Variants in RAD51B observed in about 807,000 individuals in gnomAD.
The protein encoded by RAD51B is RAD51 paralog B.
Under a neutral mutation model 42.2 loss-of-function variants are expected in RAD51B, and 38 were observed. The observed-to-expected ratio is 0.90, with a 90% confidence interval of 0.70 to 1.18. RAD51B has a LOEUF of 1.18. Ranked by LOEUF, RAD51B falls within the 50% of genes most tolerant of loss-of-function variation. RAD51B has a pLI of 0.00. For missense variants in RAD51B, 373 were observed against 400.7 expected (o/e 0.93, Z 0.59); for synonymous variants, 154 against 145.2 (o/e 1.06, Z -0.43).
chr14:68,596,240 G>A (rs1246096637), downstream of RAD51B, among the ~76,000 whole-genome samples: 1 of 152,030 alleles, frequency 6.6e-6, no homozygotes, highest in South Asian at 2.1e-4. Context: ...TCTACCTGGC[G>A]CTGGGAATTA....
At chr14:68,102,198 G>A (rs894371469) in intron 7 of RAD51B, among the ~76,000 whole-genome samples, 2 of 152,208 alleles carry the variant, frequency 1.3e-5, no homozygotes, top group Non-Finnish European at 2.9e-5. Context: ...CTCTGGGCCT[G>A]TGATGGGTGG....
At chr14:68,593,629 G>T (rs1159141099) in intron 10 of RAD51B, among the ~76,000 whole-genome samples, 1 of 152,222 alleles carries the variant, frequency 6.6e-6, no homozygotes, top group Non-Finnish European at 1.5e-5. Flanking sequence ...CAAGATGCAG[G>T]TGCCTGGCAC....
chr14:68,196,704 A>G (rs141663011), intron 7 of RAD51B, among the ~76,000 whole-genome samples: 181 of 152,310 alleles, frequency 1.2e-3, no homozygotes, highest in Admixed American at 3.3e-3. Flanking sequence ...GGCCCACACT[A>G]GATTACAGGT....
intron 7 of RAD51B, among the ~76,000 whole-genome samples, chr14:68,290,145 AGGC>A (rs1485898047): frequency 6.6e-6 from 1 of 152,218 alleles, no homozygotes; most frequent in Non-Finnish European, 1.5e-5. Context: ...TAAAAAATGG[AGGC>A]AACTTCCATT....
At chr14:68,416,757 G>A (rs1209468497) in intron 9 of RAD51B, among the ~76,000 whole-genome samples, 3 of 152,208 alleles carry the variant, frequency 2.0e-5, no homozygotes, top group Non-Finnish European at 4.4e-5. Flanking sequence ...ATGGGAGGAT[G>A]GGAGTCAGGC....
At chr14:68,352,998 A>G (rs1174181955) in intron 8 of RAD51B, among the ~76,000 whole-genome samples, 2 of 152,142 alleles carry the variant, frequency 1.3e-5, no homozygotes, top group Non-Finnish European at 2.9e-5. Flanking sequence ...ACTTTTCCTC[A>G]ATGTTTCAGT....
In RAD51B at chr14:68,146,989, G is replaced by T. The variant is rs75968480; in HGVS notation, c.757-144895G>T. On this transcript the variant is annotated intron_variant, in intron 7 of 10. Coordinates refer to ENST00000471583, the MANE Select transcript of RAD51B (RefSeq NM_133510.4). ...AAGGTCCTATTTTGCTGTATTTTGGGTTCATCCAGATGGGATCAGACCAGA... is the reference window on the plus strand; with the variant it reads ...AAGGTCCTATTTTGCTGTATTTTGGTTTCATCCAGATGGGATCAGACCAGA... Among the ~76,000 whole-genome samples the T allele has an allele frequency of 8.4e-3, 1,275 of 152,190 alleles. 38 individuals are homozygous for T. Among genetic ancestry groups the T allele is most frequent in the East Asian group, 0.077 (400 of 5,162 alleles).
chr14:68,610,484 C>T (rs1891633784), intron 10 of RAD51B, among the ~76,000 whole-genome samples: 1 of 152,224 alleles, frequency 6.6e-6, no homozygotes, highest in Non-Finnish European at 1.5e-5. Flanking sequence ...GCATGTGGCT[C>T]CCCTGCCAGG....
At chr14:68,047,661 T>C (rs1396916298) in intron 7 of RAD51B, among the ~76,000 whole-genome samples, 1 of 152,214 alleles carries the variant, frequency 6.6e-6, no homozygotes, top group Non-Finnish European at 1.5e-5. Flanking sequence ...TGCCAGGCAC[T>C]GTGTTAAACA....
Position 67,882,773 on chromosome 14 carries a change from CCTCA to C in RAD51B, c.453-3092_453-3089del, listed in dbSNP as rs1352472483. Among the ~76,000 whole-genome samples, 5 of 151,852 alleles carry C rather than the reference CCTCA, an allele frequency of 3.3e-5. No homozygotes were observed. The East Asian group carries it at 9.7e-4, about 29-fold the overall frequency. On this transcript the variant is annotated intron_variant, in intron 5 of 10. Transcript: ENST00000471583. Reference sequence around the variant, plus strand: ...CTTTCTTTTTTTTTTTGAGACGGAGCCTCACTCTGTTGCCTAGGCTGAGTGCAGT... The same window carrying C: ...CTTTCTTTTTTTTTTTGAGACGGAGCCTCTGTTGCCTAGGCTGAGTGCAGT...
At chr14:68,440,012 C>G (rs1213413004) in intron 9 of RAD51B, among the ~76,000 whole-genome samples, 1 of 152,206 alleles carries the variant, frequency 6.6e-6, no homozygotes, top group Non-Finnish European at 1.5e-5. Flanking sequence ...CCAGAACTCT[C>G]TCCAGGAGGG....
chr14:68,145,996 G>A (rs775192251), intron 7 of RAD51B, among the ~76,000 whole-genome samples: 1 of 152,134 alleles, frequency 6.6e-6, no homozygotes, highest in Non-Finnish European at 1.5e-5. Context: ...GAAATTATAC[G>A]TACTTGGTCT....
intron 7 of RAD51B, among the ~76,000 whole-genome samples, chr14:68,093,720 A>G (rs930319075): frequency 1.3e-5 from 2 of 152,062 alleles, no homozygotes; most frequent in East Asian, 3.9e-4. Context: ...CTCCGATCTT[A>G]GTTATTTCTT....
At chr14:67,987,999 A>G (rs1414361263) in intron 7 of RAD51B, among the ~76,000 whole-genome samples, 1 of 152,130 alleles carries the variant, frequency 6.6e-6, no homozygotes, top group Non-Finnish European at 1.5e-5. Flanking sequence ...CGTGGTAGGT[A>G]TTAAAACCAA....
intron 10 of RAD51B, among the ~76,000 whole-genome samples, chr14:68,580,876 C>T (rs548031774): frequency 1.6e-4 from 24 of 152,278 alleles, no homozygotes; most frequent in African/African-American, 2.2e-4. Context: ...CATTTCCACA[C>T]GGGGCGGGGA....
Position 68,292,314 on chromosome 14 carries a change from C to G in RAD51B, c.853+334C>G, listed in dbSNP as rs187836546. Among the ~76,000 whole-genome samples the G allele has an allele frequency of 2.2e-3, 341 of 152,310 alleles. 1 individual carries two copies. Among genetic ancestry groups the G allele is most frequent in the Non-Finnish European group, 3.7e-3 (249 of 68,028 alleles). Reference sequence around the variant, plus strand: ...GTTGGCTTTCCCAGTGGTCCCCTAGCAATTTAGCCTTTTGCTTGTGCTGAG... The same window carrying G: ...GTTGGCTTTCCCAGTGGTCCCCTAGGAATTTAGCCTTTTGCTTGTGCTGAG... On this transcript the variant is annotated intron_variant, in intron 8 of 10. Transcript: ENST00000471583.
chr14:68,437,719 C>G (rs75039299), intron 9 of RAD51B, among the ~76,000 whole-genome samples: 1 of 151,952 alleles, frequency 6.6e-6, no homozygotes, highest in Non-Finnish European at 1.5e-5. Context: ...AGGAGAATAC[C>G]CAGTGTTAAT....
chr14:68,090,086 A>T (rs1394794680), intron 7 of RAD51B, among the ~76,000 whole-genome samples: 1 of 152,164 alleles, frequency 6.6e-6, no homozygotes, highest in African/African-American at 2.4e-5. Context: ...CTTATTTAAA[A>T]CCTAGGCACC....
At chr14:68,661,792 A>C (rs952241628) in intron 11 of RAD51B, among the ~76,000 whole-genome samples, 4 of 151,920 alleles carry the variant, frequency 2.6e-5, no homozygotes, top group Admixed American at 2.6e-4. Flanking sequence ...AGGGAAGCCA[A>C]CTCACCACCT....
Sources: allele counts gnomAD v4.1 joint callset (sites outside exome capture counted in the v4.1 genomes callset), GRCh38; gene constraint gnomAD v4.1.1; transcripts MANE v1.5; gene names NCBI Gene and HGNC (gene_info 2026-07-23, HGNC 2026-07-21).